ABCC12: variants seen among roughly 807,000 people sequenced by gnomAD.
The protein encoded by ABCC12 is ATP-binding cassette sub-family C member 12.
ABCC12 carries 142 observed loss-of-function variants against 151.1 expected under a neutral mutation model. The observed-to-expected ratio is 0.94, with a 90% confidence interval of 0.82 to 1.08. ABCC12 has a LOEUF of 1.08. Among genes scored for constraint, ABCC12 ranks in the 50% least tolerant of loss-of-function variants. The pLI, the probability that ABCC12 is intolerant of heterozygous loss-of-function variation, is 0.00. For synonymous variants in ABCC12, 645 were observed against 646.4 expected (o/e 1.00, Z 0.03); for missense variants, 1,638 against 1,691.1 (o/e 0.97, Z 0.55).
chr16:48,128,846 C>A, intron 10 of ABCC12, 109 bp from the exon 11 acceptor site: 1 of 1,227,298 alleles, frequency 8.1e-7, no homozygotes, highest in Non-Finnish European at 1.1e-6. Context: ...TTCTAACCCA[C>A]CACATCCAGG....
chr16:48,102,623 G>C (rs1327337402), intron 22 of ABCC12, among the ~76,000 whole-genome samples: 1 of 151,850 alleles, frequency 6.6e-6, no homozygotes, highest in East Asian at 2.0e-4. Flanking sequence ...CACAGTGTCA[G>C]CTCCCAGAGC....
chr16:48,103,020 C>G (rs2150603134), intron 22 of ABCC12, among the ~76,000 whole-genome samples: 1 of 152,328 alleles, frequency 6.6e-6, no homozygotes, highest in East Asian at 1.9e-4. Context: ...GACTCCTGCT[C>G]TATAGTCTGC....
In ABCC12 at chr16:48,104,128, G is replaced by T. The variant is rs1340256519; in HGVS notation, c.2900+14C>A. ...TGTGTATCGTTTTCTCGTGTAAATA[G>T]CACATGGGCCTACCGTAACAGAATG... On this transcript the variant is annotated intron_variant, in intron 22 of 30. Coordinates refer to ENST00000311303, the MANE Select transcript of ABCC12 (RefSeq NM_001393797.1). The T allele has an allele frequency of 6.2e-7, 1 of 1,611,662 alleles. No individual in the cohort carries two copies. The highest frequency in any genetic ancestry group is 8.5e-7 in the Non-Finnish European group (1 of 1,178,694).
intron 13 of ABCC12, among the ~76,000 whole-genome samples, chr16:48,120,262 A>C (rs1484101745): frequency 1.3e-5 from 2 of 152,206 alleles, no homozygotes; most frequent in Non-Finnish European, 2.9e-5. Flanking sequence ...ATGGGAGCTA[A>C]ACCTTGGGTA....
At chr16:48,091,277 C>T in intron 24 of ABCC12, 68 bp from the exon 25 acceptor site, 1 of 1,401,878 alleles carries the variant, frequency 7.1e-7, no homozygotes, top group Non-Finnish European at 1.0e-6. Context: ...GCTCCCCGTT[C>T]AGGAGGCAGT....
intron 10 of ABCC12, 64 bp from the exon 11 acceptor site, chr16:48,128,801 T>C: frequency 6.5e-7 from 1 of 1,545,162 alleles, no homozygotes; most frequent in Non-Finnish European, 8.8e-7. Flanking sequence ...CATCCCAATG[T>C]ATCTTCTAAT....
rs58459879 is a variant in ABCC12 at position 48,123,236 on chromosome 16, A to G, written c.1587+977T>C. 2.2e-4 allele frequency among the ~76,000 whole-genome samples: 33 copies of G among 152,330 alleles called. 1 individual carries two copies. The highest frequency in any genetic ancestry group is 5.3e-4 in the African/African-American group (22 of 41,568). On this transcript the variant is annotated intron_variant, in intron 12 of 30. Coordinates refer to ENST00000311303, the MANE Select transcript of ABCC12 (RefSeq NM_001393797.1). ...CGAGCAGTTGGGCCATCTCTTATGC[A>G]GTAGGATGCTATTAAGAGTATTCAC... is the stretch of plus-strand genomic sequence containing the variant.
intron 5 of ABCC12, 108 bp from the exon 6 acceptor site, chr16:48,141,028 T>G: frequency 7.2e-7 from 1 of 1,387,756 alleles, no homozygotes; most frequent in Non-Finnish European, 9.8e-7. Flanking sequence ...AACTTTTTAA[T>G]TAATTTTAGT....
intron 2 of ABCC12, among the ~76,000 whole-genome samples, chr16:48,150,517 T>C (rs1221188451): frequency 6.6e-6 from 1 of 152,162 alleles, no homozygotes; most frequent in African/African-American, 2.4e-5. Context: ...TTTGATACCA[T>C]TTATATAAAG....
At chr16:48,142,249 G>C (rs1177758270) in intron 4 of ABCC12, among the ~76,000 whole-genome samples, 1 of 152,246 alleles carries the variant, frequency 6.6e-6, no homozygotes, top group Non-Finnish European at 1.5e-5. Context: ...AGGCATCCAA[G>C]TGTAGCCATC....
intron 10 of ABCC12, among the ~76,000 whole-genome samples, chr16:48,129,553 A>G (rs1277868169): frequency 2.0e-5 from 3 of 152,206 alleles, no homozygotes; most frequent in Non-Finnish European, 4.4e-5. Context: ...AAGGGGACAC[A>G]AAACTGAGAA....
intron 2 of ABCC12, among the ~76,000 whole-genome samples, chr16:48,153,168 A>T (rs1444016749): frequency 6.6e-6 from 1 of 152,232 alleles, no homozygotes; most frequent in Non-Finnish European, 1.5e-5. Context: ...AGAAATCTAA[A>T]TATGGACTAT....
chr16:48,136,534 G>A (rs1414278993), intron 8 of ABCC12, among the ~76,000 whole-genome samples: 3 of 152,328 alleles, frequency 2.0e-5, no homozygotes, highest in Admixed American at 6.5e-5. Context: ...GGAGAATAGA[G>A]GAGTGAACAG....
At chr16:48,117,210 C>T in intron 14 of ABCC12, 51 bp downstream of exon 14, 1 of 1,557,248 alleles carries the variant, frequency 6.4e-7, no homozygotes, top group Non-Finnish European at 8.7e-7. Context: ...TGGACCTGAG[C>T]AAATGTACTG....
rs1334449306 is a variant in ABCC12, at chr16:48,143,981, G to A, written c.204C>T (p.Tyr68=). The stretch of plus-strand genomic sequence containing the variant: ...GGGTGTCTACGGTCAGCCTTTGCCG[G>A]TAGCCTTTCACCATCACCGGCGTGA... ...SWLTPVMVKG[Y]RQRLTVDTLP... Residue 68 remains tyrosine, a synonymous_variant, in exon 4 of 31, where the codon TAC becomes TAT. Transcript: ENST00000311303. 6.2e-7 allele frequency: 1 copy of A among 1,613,920 alleles called. No individual in the cohort carries two copies. The highest frequency in any genetic ancestry group is 1.3e-5 in the African/African-American group (1 of 74,752).
chr16:48,081,697 C>T lies in ABCC12; in HGVS notation c.*2018G>A, dbSNP rs1162813970. On this transcript the variant is annotated 3_prime_UTR_variant, in exon 31 of 31. Coordinates refer to ENST00000311303, the MANE Select transcript of ABCC12 (RefSeq NM_001393797.1). ...TCTCAGTAGACATCAGGATCAATGT[C>T]GGTGTTCTTCTTCTGCCAGAGTAAA... Among the ~76,000 whole-genome samples, 3 of 152,166 alleles carry T rather than the reference C, an allele frequency of 2.0e-5. No homozygotes were observed. The highest frequency in any genetic ancestry group is 4.1e-4 in the South Asian group (2 of 4,826).
At chr16:48,142,847 G>T (rs982182357) in intron 4 of ABCC12, among the ~76,000 whole-genome samples, 7 of 152,128 alleles carry the variant, frequency 4.6e-5, no homozygotes, top group Admixed American at 1.3e-4. Context: ...ATCTGTGAGT[G>T]GGGGGTAAGA....
At chr16:48,096,548 A>C (rs1299207668) in intron 24 of ABCC12, among the ~76,000 whole-genome samples, 198 bp downstream of exon 24, 1 of 152,208 alleles carries the variant, frequency 6.6e-6, no homozygotes, top group Non-Finnish European at 1.5e-5. Context: ...GGGCATGGGC[A>C]AAGCTCAGAG....
chr16:48,140,863 C>T lies in ABCC12; in HGVS notation c.481G>A (p.Val161Ile). The T allele has an allele frequency of 6.2e-7, 1 of 1,614,112 alleles. No individual in the cohort carries two copies. ...QTERTSGKVW[V>I]GIGLCIALFA... ...AGGGCTATGCACAGTCCAATGCCAA[C>T]CCAGACTTTCCCAGAGGTCCTCTCA... Residue 161 changes from valine (V) to isoleucine (I), a missense_variant, in exon 6 of 31, where the codon GTT becomes ATT. Coordinates refer to ENST00000311303, the MANE Select transcript of ABCC12 (RefSeq NM_001393797.1).
Sources: allele counts gnomAD v4.1 joint callset (sites outside exome capture counted in the v4.1 genomes callset), GRCh38; gene constraint gnomAD v4.1.1; transcripts MANE v1.5; gene names NCBI Gene and HGNC (gene_info 2026-07-23, HGNC 2026-07-21).